Variants in SNTG2 observed in about 807,000 individuals in gnomAD.
The protein encoded by SNTG2 is gamma-2-syntrophin.
Under a neutral mutation model 70.9 loss-of-function variants are expected in SNTG2, and 74 were observed. The observed-to-expected ratio is 1.04, with a 90% CI of 0.86 to 1.27. The LOEUF (loss-of-function observed/expected upper bound fraction) is 1.27. SNTG2 is among the 50% of genes most tolerant of loss of function. The pLI is 0.00. For synonymous variants in SNTG2, 278 were observed against 273.8 expected (o/e 1.02, Z -0.15); for missense variants, 717 against 690.7 (o/e 1.04, Z -0.43).
chr2:1,106,659 C>T lies in SNTG2; in HGVS notation c.325+8249C>T, dbSNP rs867789927. ...GTAATAGTGGACACACGCTGTCACTCGGGTGCAGGGTATGGAGAGCTCCTT... is the reference window on the plus strand; with the variant it reads ...GTAATAGTGGACACACGCTGTCACTTGGGTGCAGGGTATGGAGAGCTCCTT... On this transcript the variant is annotated intron_variant, in intron 4 of 16. Transcript: ENST00000308624. 1.0e-3 allele frequency among the ~76,000 whole-genome samples: 132 copies of T among 131,860 alleles called. No individual in the cohort carries two copies. In the Middle Eastern group the frequency reaches 0.025, roughly 25 times the overall value. 86.5% of individuals were successfully genotyped at this position (131,860 alleles called of 152,430 possible). A position where few individuals can be genotyped will look rare whatever the true frequency, so the allele number is the denominator to read the frequency against.
At chr2:1,228,427 C>A (rs1489569293) in intron 9 of SNTG2, among the ~76,000 whole-genome samples, 1 of 152,212 alleles carries the variant, frequency 6.6e-6, no homozygotes, top group South Asian at 2.1e-4. Flanking sequence ...CCCTGGGAGA[C>A]CCTCAACTTC....
chr2:1,080,516 G>A (rs540140493), intron 1 of SNTG2, among the ~76,000 whole-genome samples: 185 of 152,170 alleles, frequency 1.2e-3, no homozygotes, highest in African/African-American at 4.4e-3. Context: ...GTGTGTGTCT[G>A]TGTGCCCGTG....
intron 11 of SNTG2, among the ~76,000 whole-genome samples, chr2:1,243,259 T>C (rs1376193215): frequency 1.3e-5 from 2 of 152,036 alleles, no homozygotes; most frequent in South Asian, 4.2e-4. Context: ...CAACCCGATA[T>C]AGAAAAGAAG....
At chr2:1,230,810 A>G (rs901179786) in intron 9 of SNTG2, among the ~76,000 whole-genome samples, 14 of 152,234 alleles carry the variant, frequency 9.2e-5, no homozygotes, top group Non-Finnish European at 1.3e-4. Flanking sequence ...TACCCTGTGC[A>G]GTTGAAATGA....
At position 1,137,652 on chromosome 2, in the gene SNTG2, A is replaced by T. The variant is rs748927979; in HGVS notation, c.356A>T (p.Asp119Val). The T allele has an allele frequency of 1.4e-4, 231 of 1,613,206 alleles. 2 individuals carry two copies. The East Asian group carries it at 5.1e-3, about 36-fold the overall frequency. The part of the protein sequence containing the change: ...ADQTGMLFVG[D>V]AVLQVNGIHV... ...CAGACAGGGATGTTGTTCGTAGGAGATGCTGTTCTCCAGGTCAGTATTGTA... is the reference window on the plus strand; with the variant it reads ...CAGACAGGGATGTTGTTCGTAGGAGTTGCTGTTCTCCAGGTCAGTATTGTA... Residue 119 changes from aspartate to valine, a missense_variant, in exon 5 of 17, where the codon GAT becomes GTT. By Grantham distance (152) the Asp-to-Val change is radical. Coordinates refer to ENST00000308624, the MANE Select transcript of SNTG2 (RefSeq NM_018968.4).
At chr2:1,071,357 T>C (rs1229775317) in intron 1 of SNTG2, among the ~76,000 whole-genome samples, 1 of 150,210 alleles carries the variant, frequency 6.7e-6, no homozygotes, top group Non-Finnish European at 1.5e-5. Context: ...TGTAGGGACA[T>C]GGATGAAATT....
At chr2:1,336,410 T>C (rs1659818402) in intron 16 of SNTG2, among the ~76,000 whole-genome samples, 1 of 152,188 alleles carries the variant, frequency 6.6e-6, no homozygotes, top group Non-Finnish European at 1.5e-5. Context: ...ATTCTTTAGG[T>C]AGTCACTTCA....
At chr2:1,349,727 C>T (rs1018735855) in intron 16 of SNTG2, among the ~76,000 whole-genome samples, 1 of 152,170 alleles carries the variant, frequency 6.6e-6, no homozygotes, top group African/African-American at 2.4e-5. Flanking sequence ...ATCCAGATGC[C>T]AGGGACTGTG....
intron 1 of SNTG2, among the ~76,000 whole-genome samples, chr2:984,598 G>A (rs1284820320): frequency 6.6e-6 from 1 of 152,160 alleles, no homozygotes; most frequent in Admixed American, 6.5e-5. Context: ...GGCCTCACCT[G>A]TCTGTCCTGA....
chr2:1,222,057 G>C lies in SNTG2; in HGVS notation c.719+12827G>C, dbSNP rs1553362159. 1.2e-4 allele frequency among the ~76,000 whole-genome samples: 4 copies of C among 32,368 alleles called. 1 individual carries two copies. Among genetic ancestry groups the C allele is most frequent in the Admixed American group, 6.7e-4 (2 of 2,966 alleles). 21.2% of individuals were successfully genotyped at this position (32,368 alleles called of 152,430 possible). A position where few individuals can be genotyped will look rare whatever the true frequency, so the allele number is the denominator to read the frequency against. ...TCTCTGTCTCTCTCTGTCTCTCTCTGTCTCTGTTTCTCTCTGTCTCTGTCT... is the reference window on the plus strand; with the variant it reads ...TCTCTGTCTCTCTCTGTCTCTCTCTCTCTCTGTTTCTCTCTGTCTCTGTCT... On this transcript the variant is annotated intron_variant, in intron 9 of 16. Coordinates refer to ENST00000308624, the MANE Select transcript of SNTG2 (RefSeq NM_018968.4).
intron 1 of SNTG2, among the ~76,000 whole-genome samples, chr2:1,019,517 C>T (rs191881359): frequency 9.9e-5 from 15 of 152,134 alleles, no homozygotes; most frequent in Admixed American, 7.9e-4. Flanking sequence ...GAAGAAATGG[C>T]AAGGAGGGCA....
chr2:1,030,268 G>A (rs1019725338), intron 1 of SNTG2, among the ~76,000 whole-genome samples: 12 of 152,150 alleles, frequency 7.9e-5, no homozygotes, highest in East Asian at 1.9e-4. Flanking sequence ...GGTGCAGTGC[G>A]TGTGTTAGAG....
At chr2:1,235,137 C>A (rs1676528312) in intron 9 of SNTG2, among the ~76,000 whole-genome samples, 2 of 151,742 alleles carry the variant, frequency 1.3e-5, no homozygotes, top group African/African-American at 4.8e-5. Context: ...TCCCTGCAGG[C>A]CCCACCAGGC....
chr2:1,005,337 A>G (rs542255455), intron 1 of SNTG2, among the ~76,000 whole-genome samples: 11 of 152,118 alleles, frequency 7.2e-5, no homozygotes, highest in African/African-American at 2.6e-4. Flanking sequence ...TGACGAGGAC[A>G]TGTCCACGTA....
chr2:1,109,422 A>G (rs1161631636), intron 4 of SNTG2, among the ~76,000 whole-genome samples: 1 of 152,192 alleles, frequency 6.6e-6, no homozygotes, highest in African/African-American at 2.4e-5. Context: ...TGCCATCTGC[A>G]TAGGAATTCC....
intron 1 of SNTG2, among the ~76,000 whole-genome samples, chr2:1,059,683 C>G (rs1460474786): frequency 6.6e-6 from 1 of 152,118 alleles, no homozygotes; most frequent in African/African-American, 2.4e-5. Context: ...ACCCTCATAA[C>G]TCAGAGGGCA....
At chr2:990,381 A>G (rs1027425365) in intron 1 of SNTG2, among the ~76,000 whole-genome samples, 1 of 152,164 alleles carries the variant, frequency 6.6e-6, no homozygotes, top group African/African-American at 2.4e-5. Flanking sequence ...GAGGCTAGAA[A>G]TTCAAGATGT....
intron 4 of SNTG2, among the ~76,000 whole-genome samples, chr2:1,134,234 C>T (rs1361899816): frequency 1.3e-5 from 2 of 152,156 alleles, no homozygotes; most frequent in African/African-American, 2.4e-5. Flanking sequence ...AACAAAGCTT[C>T]CACAGTGTGG....
At chr2:1,090,559 G>A (rs2148190479) in intron 2 of SNTG2, among the ~76,000 whole-genome samples, 1 of 152,298 alleles carries the variant, frequency 6.6e-6, no homozygotes, top group East Asian at 1.9e-4. Flanking sequence ...ATGAAAGGAA[G>A]TGAAGGACAT....
Sources: allele counts gnomAD v4.1 joint callset (sites outside exome capture counted in the v4.1 genomes callset), GRCh38; gene constraint gnomAD v4.1.1; transcripts MANE v1.5; gene names NCBI Gene and HGNC (gene_info 2026-07-23, HGNC 2026-07-21).